CECR2: variants seen among roughly 807,000 people sequenced by gnomAD.
CECR2 encodes the protein CECR2 histone acetyl-lysine reader.
Under a neutral mutation model 154.5 loss-of-function variants are expected in CECR2, and 30 were observed. The observed-to-expected ratio is 0.19, with a 90% CI of 0.15 to 0.26. The LOEUF (loss-of-function observed/expected upper bound fraction) is 0.26. Ranked by LOEUF, CECR2 falls within the 10% of genes least tolerant of loss-of-function variation. The pLI, the probability that CECR2 is intolerant of heterozygous loss-of-function variation, is 1.00. For synonymous variants in CECR2, 725 were observed against 683.7 expected (o/e 1.06, Z -0.94); for missense variants, 1,743 against 1,829.3 (o/e 0.95, Z 0.86).
intron 1 of CECR2, among the ~76,000 whole-genome samples, chr22:17,423,139 T>A (rs1440462209): frequency 6.6e-6 from 1 of 152,140 alleles, no homozygotes; most frequent in Non-Finnish European, 1.5e-5. Flanking sequence ...AATGTGGTGG[T>A]GAGGGGTGGG....
chr22:17,366,492 G>A (rs1312170398), upstream of CECR2, among the ~76,000 whole-genome samples: 1 of 152,092 alleles, frequency 6.6e-6, no homozygotes, highest in Non-Finnish European at 1.5e-5. Context: ...GGCAAACTGT[G>A]TGTTTTTAAG....
intron 1 of CECR2, among the ~76,000 whole-genome samples, chr22:17,392,950 G>C (rs2063340995): frequency 1.3e-5 from 2 of 152,164 alleles, no homozygotes; most frequent in African/African-American, 4.8e-5. Context: ...TGAGGCAGGA[G>C]AATGGCTTGA....
chr22:17,411,167 G>T (rs559818409), intron 1 of CECR2, among the ~76,000 whole-genome samples: 1 of 152,316 alleles, frequency 6.6e-6, no homozygotes, highest in South Asian at 2.1e-4. Flanking sequence ...TTTAGCGTTA[G>T]GCACAGGGTA....
At chr22:17,380,441 A>C (rs1232148233) in intron 1 of CECR2, among the ~76,000 whole-genome samples, 4 of 152,218 alleles carry the variant, frequency 2.6e-5, no homozygotes, top group Non-Finnish European at 5.9e-5. Context: ...TATGCGTATA[A>C]GTTTCACACT....
At chr22:17,382,551 A>G (rs1254813615) in intron 1 of CECR2, among the ~76,000 whole-genome samples, 5 of 152,250 alleles carry the variant, frequency 3.3e-5, no homozygotes, top group Non-Finnish European at 5.9e-5. Flanking sequence ...ACAGTATACT[A>G]TAGCCTGTTA....
chr22:17,501,682 A>G (rs943953720), intron 5 of CECR2, among the ~76,000 whole-genome samples: 1 of 152,196 alleles, frequency 6.6e-6, no homozygotes, highest in African/African-American at 2.4e-5. Flanking sequence ...TCTGTGACAA[A>G]TGTCCTGTAA....
chr22:17,544,809 C>CAAAA lies in CECR2; in HGVS notation c.2860+1830_2860+1833dup, dbSNP rs67994839. Among the ~76,000 whole-genome samples the CAAAA allele has an allele frequency of 1.8e-3, 83 of 45,618 alleles. 4 individuals carry two copies. The highest frequency in any genetic ancestry group is 2.5e-3 in the Non-Finnish European group (67 of 26,464). The allele number at this position is 45,618 out of a possible 152,430, so 29.9% of individuals were successfully genotyped here. ...TGGGCCACAAAGTGAGACTCTGTCT[C>CAAAA]AAAAAAAAAAAAAAAAAAAAAAAAA... is the stretch of plus-strand genomic sequence containing the variant. On this transcript the variant is annotated intron_variant, in intron 16 of 18. Coordinates refer to ENST00000262608, the MANE Select transcript of CECR2 (RefSeq NM_001290047.2).
chr22:17,544,408 G>A (rs1210226267), intron 16 of CECR2, among the ~76,000 whole-genome samples: 1 of 148,784 alleles, frequency 6.7e-6, no homozygotes, highest in African/African-American at 2.5e-5. Flanking sequence ...TGAGGCAGGA[G>A]AATGGTGTGA....
intron 1 of CECR2, among the ~76,000 whole-genome samples, chr22:17,442,792 C>A (rs1007580231): frequency 1.3e-5 from 2 of 152,108 alleles, no homozygotes; most frequent in Non-Finnish European, 2.9e-5. Context: ...CATGATCCAC[C>A]CTCCTCGGCC....
intron 1 of CECR2, among the ~76,000 whole-genome samples, chr22:17,370,548 C>T (rs116684539): frequency 0.014 from 2,064 of 152,268 alleles, 50 homozygotes; most frequent in African/African-American, 0.047. Context: ...TCCACAGCGT[C>T]CTTCCTCCCG....
At chr22:17,394,911 A>G (rs1232329731) in intron 1 of CECR2, among the ~76,000 whole-genome samples, 1 of 151,966 alleles carries the variant, frequency 6.6e-6, no homozygotes, top group Non-Finnish European at 1.5e-5. Flanking sequence ...GTCTTATTTC[A>G]TTTTCAGATT....
intron 1 of CECR2, among the ~76,000 whole-genome samples, chr22:17,374,293 G>C (rs995886809): frequency 5.3e-5 from 8 of 152,060 alleles, no homozygotes; most frequent in African/African-American, 1.9e-4. Context: ...GAGATCTAGG[G>C]GCAATATTCA....
chr22:17,506,313 C>T (rs575753189), intron 7 of CECR2, among the ~76,000 whole-genome samples: 6 of 151,668 alleles, frequency 4.0e-5, no homozygotes, highest in South Asian at 4.2e-4. Context: ...TTTATCTGTG[C>T]GTAGGGTTTC....
chr22:17,484,237 T>C (rs2055380707), intron 2 of CECR2, among the ~76,000 whole-genome samples: 1 of 152,194 alleles, frequency 6.6e-6, no homozygotes. Flanking sequence ...TTCCCCAGGC[T>C]GGAGTGCATT....
chr22:17,547,101 G>C (rs1008681200), intron 16 of CECR2, among the ~76,000 whole-genome samples: 4 of 150,260 alleles, frequency 2.7e-5, no homozygotes, highest in African/African-American at 9.8e-5. Flanking sequence ...ACACACTATT[G>C]TATATTGTAG....
intron 9 of CECR2, among the ~76,000 whole-genome samples, chr22:17,532,435 C>T (rs1284108603): frequency 2.6e-5 from 4 of 152,076 alleles, no homozygotes; most frequent in Non-Finnish European, 5.9e-5. Context: ...AATGAAACTT[C>T]CTCAGCCAAT....
chr22:17,548,717 C>T lies in CECR2; in HGVS notation c.3430C>T (p.Pro1144Ser), dbSNP rs909485083. 1.9e-6 allele frequency: 3 copies of T among 1,613,460 alleles called. No individual in the cohort carries two copies. In the African/African-American group the frequency reaches 4.0e-5, roughly 22 times the overall value. ...HISPGLQGVG[P>S]VMGGKSPASH... ...CAGTCCAGGCCTGCAGGGTGTGGGC[C>T]CTGTGATGGGAGGGAAGTCCCCAGC... Residue 1144 changes from proline (P) to serine (S), a missense_variant, in exon 17 of 19, where the codon CCT becomes TCT. This residue lies in a region of CECR2 where 1,250 missense variants were observed against 1,192.1 expected (regional missense o/e 1.05). Transcript: ENST00000262608.
In CECR2 at chr22:17,362,326, G is replaced by A. The variant is rs141804204; in HGVS notation, c.-364+2303G>A. 1.9e-4 allele frequency among the ~76,000 whole-genome samples: 29 copies of A among 152,302 alleles called. No individual in the cohort carries two copies. The East Asian group carries it at 4.8e-3, about 25-fold the overall frequency. On this transcript the variant is annotated intron_variant, in intron 1 of 18. Transcript: ENST00000400585. ...CCGAAAGTGCTAGGATTACAGGCAT[G>A]AGCCACCATGTCCAGCCCCAAGAAT...
At chr22:17,394,118 C>G (rs933643574) in intron 1 of CECR2, among the ~76,000 whole-genome samples, 1 of 151,110 alleles carries the variant, frequency 6.6e-6, no homozygotes, top group South Asian at 2.1e-4. Flanking sequence ...AACTCCCGAC[C>G]TCAGGTGATC....
Sources: allele counts gnomAD v4.1 joint callset (sites outside exome capture counted in the v4.1 genomes callset), GRCh38; gene constraint gnomAD v4.1.1; regional missense constraint gnomAD v4.1.1; transcripts MANE v1.5; gene names NCBI Gene and HGNC (gene_info 2026-07-23, HGNC 2026-07-21).